PFKL: variants seen among roughly 807,000 people sequenced by gnomAD.
PFKL encodes phosphofructokinase, liver type.
In PFKL, 74 loss-of-function variants were observed where a neutral mutation model predicts 92.1. That is an observed-to-expected ratio of 0.80 (90% CI 0.67 to 0.97). PFKL has a LOEUF of 0.97. Among genes scored for constraint, PFKL ranks in the 50% least tolerant of loss-of-function variants. The pLI is 0.00. For missense variants in PFKL, 1,028 were observed against 1,116.6 expected (o/e 0.92, Z 1.13); for synonymous variants, 494 against 456.4 (o/e 1.08, Z -1.05).
chr21:44,303,631 T>C (rs2146414950), intron 1 of PFKL, among the ~76,000 whole-genome samples: 1 of 152,174 alleles, frequency 6.6e-6, no homozygotes. Flanking sequence ...CTTAGCTTCC[T>C]GGCCCGCCAC....
At chr21:44,316,641 TGAG>T in intron 9 of PFKL, 117 bp downstream of exon 9, 1 of 733,650 alleles carries the variant, frequency 1.4e-6, no homozygotes, top group Non-Finnish European at 2.2e-6. Context: ...TGGCTGTGGG[TGAG>T]TGTCCGTGTC....
At chr21:44,312,939 T>G (rs913366964) in intron 4 of PFKL, 39 bp from the exon 5 acceptor site, 1 of 1,605,396 alleles carries the variant, frequency 6.2e-7, no homozygotes, top group Non-Finnish European at 8.5e-7. Flanking sequence ...GTGGGGCCAG[T>G]GGAGCCTCAG....
Position 44,320,036 on chromosome 21 carries a change from G to A in PFKL, c.1128-48G>A, listed in dbSNP as rs200708188. The stretch of plus-strand genomic sequence containing the variant: ...TGTCACGGCTGCGCTGTGGCTGTAC[G>A]CCGTGGCGCTGCAGGGCTGTGCATG... On this transcript the variant is annotated intron_variant, in intron 11 of 21. Transcript: ENST00000349048. 92 of 1,551,346 alleles carry A rather than the reference G, an allele frequency of 5.9e-5. No individual in the cohort carries two copies. In the Admixed American group the frequency reaches 1.4e-3, roughly 23 times the overall value.
rs750871050 is a variant in PFKL at position 44,312,213 on chromosome 21, A to G, written c.346A>G (p.Ile116Val). 3.1e-6 allele frequency: 5 copies of G among 1,599,118 alleles called. No homozygotes were observed. The highest frequency in any genetic ancestry group is 4.3e-6 in the Non-Finnish European group (5 of 1,172,910). ...GCACGGCATCACCAACCTGTGCGTCATCGGCGGGGATGGCAGCCTCACAGG... is the reference window on the plus strand; with the variant it reads ...GCACGGCATCACCAACCTGTGCGTCGTCGGCGGGGATGGCAGCCTCACAGG... ...VQHGITNLCV[I>V]GGDGSLTGAN... is the part of the protein sequence containing the mutation. The change falls in exon 4 of 22, where the codon ATC becomes GTC. Residue 116 changes from isoleucine (I) to valine (V), a missense_variant. Ile to Val is a conservative substitution (Grantham distance 29, BLOSUM62 3). Coordinates refer to ENST00000349048, the MANE Select transcript of PFKL (RefSeq NM_002626.6).
Position 44,324,566 on chromosome 21 carries a change from T to C in PFKL, c.1726T>C (p.Cys576Arg). 6.2e-7 allele frequency: 1 copy of C among 1,613,290 alleles called. No homozygotes were observed. Among genetic ancestry groups the C allele is most frequent in the Non-Finnish European group, 8.5e-7 (1 of 1,179,846 alleles). ...VFIVETMGGY[C>R]GYLATVTGIA... is the part of the protein sequence containing the mutation. The stretch of plus-strand genomic sequence containing the variant: ...CATCGTGGAGACCATGGGGGGTTAC[T>C]GTGGCTACCTGGCCACCGTGACTGG... The change falls in exon 17 of 22, where the codon TGT becomes CGT. Residue 576 changes from cysteine (C) to arginine (R), a missense_variant. Transcript: ENST00000349048.
intron 9 of PFKL, among the ~76,000 whole-genome samples, chr21:44,317,294 C>T (rs1484623115): frequency 6.6e-6 from 1 of 152,124 alleles, no homozygotes; most frequent in Non-Finnish European, 1.5e-5. Context: ...TGCACCTGGC[C>T]CTGTGACTCG....
rs373752195 is a variant in PFKL at position 44,326,044 on chromosome 21, C to T, written c.2073C>T (p.Arg691=). 27 of 1,613,514 alleles carry T rather than the reference C, an allele frequency of 1.7e-5. No individual in the cohort carries two copies. The highest frequency in any genetic ancestry group is 5.0e-5 in the Admixed American group (3 of 59,996). The change falls in exon 20 of 22, where the codon CGC becomes CGT. Residue 691 remains arginine, a synonymous_variant. Transcript: ENST00000349048. ...TGCTGTGGTTGTCGGAGAAGCTGCG[C>T]GAGGTTTACCGCAAGGGTAGGTGGT... ...KAMLWLSEKL[R]EVYRKGRVFA...
At chr21:44,326,668 C>G in intron 21 of PFKL, 47 bp from the exon 22 acceptor site, 1 of 1,591,738 alleles carries the variant, frequency 6.3e-7, no homozygotes, top group East Asian at 2.3e-5. Flanking sequence ...TGAAGAGCTG[C>G]CCTGACCCCT....
intron 12 of PFKL, 40 bp downstream of exon 12, chr21:44,320,187 TCA>T (rs2047322255): frequency 6.4e-7 from 1 of 1,566,456 alleles, no homozygotes; most frequent in Non-Finnish European, 8.8e-7. Context: ...AGGAACGGGC[TCA>T]GTTATTCTGC....
chr21:44,324,538 G>A lies in PFKL; in HGVS notation c.1698G>A (p.Val566=), dbSNP rs999924128. The change falls in exon 17 of 22, where the codon GTG becomes GTA. Residue 566 remains valine (V), a synonymous_variant. Coordinates refer to ENST00000349048, the MANE Select transcript of PFKL (RefSeq NM_002626.6). Reference sequence around the variant, plus strand: ...CTGCCTCGGGGACCAAGCGCCGTGTGTTCATCGTGGAGACCATGGGGGGTT... The same window carrying A: ...CTGCCTCGGGGACCAAGCGCCGTGTATTCATCGTGGAGACCATGGGGGGTT... ...KQSASGTKRR[V]FIVETMGGYC... The A allele has an allele frequency of 6.2e-6, 10 of 1,613,488 alleles. No individual in the cohort carries two copies. Among genetic ancestry groups the A allele is most frequent in the Non-Finnish European group, 8.5e-6 (10 of 1,179,902 alleles).
At chr21:44,314,371 C>G in intron 7 of PFKL, 1 of 277,460 alleles carries the variant, frequency 3.6e-6, no homozygotes, top group Non-Finnish European at 6.9e-6. Flanking sequence ...AGGGAGTGGC[C>G]CCAGCAAGGT....
intron 19 of PFKL, 136 bp downstream of exon 19, chr21:44,325,400 C>T: frequency 3.1e-6 from 2 of 648,310 alleles, no homozygotes; most frequent in East Asian, 2.7e-5. Flanking sequence ...TGCCCTTCCC[C>T]AGTGAGGGGA....
chr21:44,306,771 C>T lies in PFKL; in HGVS notation c.159+17C>T. 4 of 1,610,264 alleles carry T rather than the reference C, an allele frequency of 2.5e-6. No individual in the cohort carries two copies. Among genetic ancestry groups the T allele is most frequent in the Non-Finnish European group, 1.7e-6 (2 of 1,176,998 alleles). The stretch of plus-strand genomic sequence containing the variant: ...ATCTACGAGGTAAGGCCAAGGTGGG[C>T]TGTGTGTGTGCAGGGAGTGGGGACC... On this transcript the variant is annotated intron_variant, in intron 2 of 21. Coordinates refer to ENST00000349048, the MANE Select transcript of PFKL (RefSeq NM_002626.6).
rs2047320424 is a variant in PFKL, at chr21:44,320,125, ACCAGAAGCCCC to A, written c.1173_1183del (p.Lys392GlyfsTer4). The A allele has an allele frequency of 6.2e-7, 1 of 1,613,274 alleles. No individual in the cohort carries two copies. Among genetic ancestry groups the A allele is most frequent in the Non-Finnish European group, 8.5e-7 (1 of 1,179,824 alleles). The stretch of plus-strand genomic sequence containing the variant: ...TGGAACATTTACAAGCTCCTCGCCC[ACCAGAAGCCCC>A]CCAAGGAGAAGGTGAGGCAGGGAGC... On this transcript the variant is annotated frameshift_variant, in exon 12 of 22. Transcript: ENST00000349048. LOFTEE classifies it high-confidence loss of function.
At chr21:44,319,576 G>A (rs888259910) in intron 11 of PFKL, 161 bp downstream of exon 11, 17 of 654,866 alleles carry the variant, frequency 2.6e-5, no homozygotes, top group Middle Eastern at 3.5e-4. Flanking sequence ...TACAGGAGGC[G>A]GGCTGGGAGG....
chr21:44,316,638 G>A, intron 9 of PFKL, 114 bp downstream of exon 9: 1 of 770,126 alleles, frequency 1.3e-6, no homozygotes, highest in South Asian at 1.7e-5. Context: ...ATGTGGCTGT[G>A]GGTGAGTGTC....
intron 1 of PFKL, among the ~76,000 whole-genome samples, chr21:44,302,606 G>T (rs2040809589): frequency 6.6e-6 from 1 of 152,222 alleles, no homozygotes; most frequent in Non-Finnish European, 1.5e-5. Context: ...TGCCCTCTAT[G>T]TCAGCCGGGC....
rs369944587 is a variant in PFKL at position 44,322,132 on chromosome 21, G to C, written c.1339-1G>C. 1.5e-5 allele frequency: 24 copies of C among 1,604,846 alleles called. No homozygotes were observed. Among genetic ancestry groups the C allele is most frequent in the Non-Finnish European group, 1.9e-5 (22 of 1,177,134 alleles). On this transcript the variant is annotated splice_acceptor_variant, in intron 13 of 21. Coordinates refer to ENST00000349048, the MANE Select transcript of PFKL (RefSeq NM_002626.6). LOFTEE classifies it high-confidence loss of function. The stretch of plus-strand genomic sequence containing the variant: ...CCTGAAGCTGCATCTCCTCCTGGCA[G>C]GTGCAAGAAGTAGGCTGGCACGACG...
intron 15 of PFKL, among the ~76,000 whole-genome samples, chr21:44,323,358 C>T (rs1203125132): frequency 6.6e-6 from 1 of 152,162 alleles, no homozygotes; most frequent in East Asian, 1.9e-4. Flanking sequence ...AGGAAGGGGA[C>T]TCGGAAGCTG....
Sources: allele counts gnomAD v4.1 joint callset (sites outside exome capture counted in the v4.1 genomes callset), GRCh38; gene constraint gnomAD v4.1.1; transcripts MANE v1.5; gene names NCBI Gene and HGNC (gene_info 2026-07-23, HGNC 2026-07-21).